BCAP29: variants seen among roughly 807,000 people sequenced by gnomAD.
The protein encoded by BCAP29 is B cell receptor associated protein 29.
A neutral mutation model predicts 31.8 loss-of-function variants in BCAP29; 34 were observed. That is an observed-to-expected ratio of 1.07 (90% CI 0.81 to 1.42). BCAP29 has a LOEUF of 1.42. BCAP29 is among the 40% of genes most tolerant of loss of function. The probability of loss-of-function intolerance (pLI) is 0.00; values close to 1 mark genes in which losing one functional copy is unlikely to be tolerated. For missense variants in BCAP29, 314 were observed against 269.2 expected (o/e 1.17, Z -1.16); for synonymous variants, 104 against 91.3 (o/e 1.14, Z -0.79).
chr7:107,590,736 T>G lies in BCAP29; in HGVS notation c.194-3219T>G, dbSNP rs891871597. Among the ~76,000 whole-genome samples, 2 of 151,856 alleles carry G rather than the reference T, an allele frequency of 1.3e-5. 1 individual carries two copies. Among genetic ancestry groups the G allele is most frequent in the Admixed American group, 1.3e-4 (2 of 15,250 alleles). ...CAAAAGGCTGAGGTGGGAGAGTTGC[T>G]TGAGCCCAAGAGGTCAAGGCTGCAG... On this transcript the variant is annotated intron_variant, in intron 3 of 7. Coordinates refer to ENST00000005259, the MANE Select transcript of BCAP29 (RefSeq NM_018844.4).
intron 6 of BCAP29, chr7:107,603,376 T>C (rs1811517354): frequency 6.6e-6 from 1 of 152,136 alleles, no homozygotes; most frequent in South Asian, 2.1e-4. Flanking sequence ...CATGTGGAAA[T>C]GTCTGTTCTT....
At chr7:107,601,991 A>G (rs1441046896) in intron 6 of BCAP29, among the ~76,000 whole-genome samples, 37 of 152,214 alleles carry the variant, frequency 2.4e-4, no homozygotes. Context: ...AACTCTTTAA[A>G]TCTGGCATAA....
At chr7:107,585,363 CTT>C (rs1293725309) in intron 3 of BCAP29, among the ~76,000 whole-genome samples, 1 of 152,174 alleles carries the variant, frequency 6.6e-6, no homozygotes, top group African/African-American at 2.4e-5. Context: ...ATTTGTGCCT[CTT>C]TTCAAGATGT....
At chr7:107,612,285 A>G (rs1040153002) in intron 6 of BCAP29, among the ~76,000 whole-genome samples, 4 of 151,018 alleles carry the variant, frequency 2.6e-5, no homozygotes, top group Non-Finnish European at 5.9e-5. Flanking sequence ...TGAAAGCACT[A>G]TATGAGATAA....
chr7:107,615,147 A>C, intron 7 of BCAP29: 1 of 452,608 alleles, frequency 2.2e-6, no homozygotes, highest in South Asian at 1.6e-5. Context: ...GAATGTCTCC[A>C]TTGTTGAATG....
intron 2 of BCAP29, 25 bp from the exon 3 acceptor site, chr7:107,583,857 C>T (rs190281415): frequency 3.2e-6 from 4 of 1,231,478 alleles, no homozygotes; most frequent in African/African-American, 1.6e-5. Context: ...TTTTTTATAC[C>T]TAATATAATT....
At chr7:107,606,310 A>T (rs1812082603) in intron 6 of BCAP29, among the ~76,000 whole-genome samples, 1 of 152,250 alleles carries the variant, frequency 6.6e-6, no homozygotes, top group Non-Finnish European at 1.5e-5. Flanking sequence ...AATGTCTATT[A>T]TATAGCTCCA....
intron 3 of BCAP29, among the ~76,000 whole-genome samples, chr7:107,590,773 C>G (rs1011849271): frequency 1.3e-5 from 2 of 149,428 alleles, no homozygotes; most frequent in African/African-American, 4.9e-5. Context: ...GAGACGTGAT[C>G]ACATCACTGC....
intron 5 of BCAP29, among the ~76,000 whole-genome samples, chr7:107,599,260 T>A (rs866956422): frequency 0.01 from 1,179 of 116,678 alleles, 149 homozygotes; most frequent in African/African-American, 0.045. Flanking sequence ...TATATAATTT[T>A]TATATATATA....
At chr7:107,615,205 A>G (rs902308954) in intron 7 of BCAP29, 3 of 456,610 alleles carry the variant, frequency 6.6e-6, no homozygotes, top group Non-Finnish European at 1.3e-5. Context: ...TGAAGAATAT[A>G]TATAACAGTG....
In BCAP29 at chr7:107,595,734, A is replaced by G. The variant is rs1391562043; in HGVS notation, c.345-133A>G. The G allele has an allele frequency of 4.4e-6, 4 of 914,378 alleles. No homozygotes were observed. In the African/African-American group the frequency reaches 7.1e-5, roughly 16 times the overall value. 56.6% of individuals were successfully genotyped at this position (914,378 alleles called of 1,614,324 possible). A position where few individuals can be genotyped will look rare whatever the true frequency, so the allele number is the denominator to read the frequency against. On this transcript the variant is annotated intron_variant, in intron 4 of 7. Coordinates refer to ENST00000005259, the MANE Select transcript of BCAP29 (RefSeq NM_018844.4). ...CTAAGAGACTTGAATTAAAAAAAGA[A>G]TAATGGGTTCTGCCTAAACATTATC...
intron 3 of BCAP29, among the ~76,000 whole-genome samples, chr7:107,588,711 C>A (rs1808178061): frequency 6.6e-6 from 1 of 152,090 alleles, no homozygotes; most frequent in Admixed American, 6.6e-5. Context: ...AAAAGACAGT[C>A]TTAACTGACT....
At position 107,606,487 on chromosome 7, in the gene BCAP29, A is replaced by C. The variant is rs151155540; in HGVS notation, c.589+5982A>C. On this transcript the variant is annotated intron_variant, in intron 6 of 7. Coordinates refer to ENST00000005259, the MANE Select transcript of BCAP29 (RefSeq NM_018844.4). Reference sequence around the variant, plus strand: ...GATTAAGCCACATTCTTCACTTTTGAAGAATGTTTCATGCAATCTTAGGAT... The same window carrying C: ...GATTAAGCCACATTCTTCACTTTTGCAGAATGTTTCATGCAATCTTAGGAT... Among the ~76,000 whole-genome samples the C allele has an allele frequency of 2.3e-3, 348 of 152,276 alleles. 2 individuals carry two copies. Among genetic ancestry groups the C allele is most frequent in the Non-Finnish European group, 3.7e-3 (249 of 68,016 alleles).
intron 5 of BCAP29, among the ~76,000 whole-genome samples, chr7:107,598,222 T>A (rs998045329): frequency 6.6e-6 from 1 of 152,240 alleles, no homozygotes; most frequent in Non-Finnish European, 1.5e-5. Flanking sequence ...GGAGATTTTA[T>A]GAACTGAATT....
At chr7:107,614,293 A>G (rs1204394736) in intron 7 of BCAP29, among the ~76,000 whole-genome samples, 2 of 152,228 alleles carry the variant, frequency 1.3e-5, no homozygotes, top group South Asian at 2.1e-4. Flanking sequence ...CAAGGCAAGC[A>G]TACACTATAC....
At chr7:107,613,247 A>C in intron 6 of BCAP29, 85 bp from the exon 7 acceptor site, 1 of 900,674 alleles carries the variant, frequency 1.1e-6, no homozygotes, top group Non-Finnish European at 1.7e-6. Flanking sequence ...AAGACTATAC[A>C]GGAGTTCTCT....
At chr7:107,584,970 A>G (rs1156433021) in intron 3 of BCAP29, among the ~76,000 whole-genome samples, 1 of 152,230 alleles carries the variant, frequency 6.6e-6, no homozygotes, top group African/African-American at 2.4e-5. Flanking sequence ...TGGTAACAGT[A>G]TTTTAAAAAT....
Position 107,595,967 on chromosome 7 carries a change from A to C in BCAP29, c.445A>C (p.Lys149Gln), listed in dbSNP as rs1223685224. The change falls in exon 5 of 8, where the codon AAA becomes CAA. Residue 149 changes from lysine to glutamine, a missense_variant. Physicochemically the swap from Lys to Gln is moderately conservative, Grantham distance 53 (BLOSUM62 1). Coordinates refer to ENST00000005259, the MANE Select transcript of BCAP29 (RefSeq NM_018844.4). ...AGCAGAAAATACTAACAAGGCTGCC[A>C]AAAAATTTATGGAAGAAAACGAAAA... ...TQAENTNKAA[K>Q]KFMEENEKLK... The C allele has an allele frequency of 1.3e-6, 2 of 1,578,320 alleles. No homozygotes were observed. The highest frequency in any genetic ancestry group is 1.7e-6 in the Non-Finnish European group (2 of 1,169,210).
At chr7:107,606,302 TG>T (rs1359986580) in intron 6 of BCAP29, among the ~76,000 whole-genome samples, 1 of 152,262 alleles carries the variant, frequency 6.6e-6, no homozygotes, top group Admixed American at 6.5e-5. Flanking sequence ...TAAACTTTAA[TG>T]TCTATTATAT....
Sources: allele counts gnomAD v4.1 joint callset (sites outside exome capture counted in the v4.1 genomes callset), GRCh38; gene constraint gnomAD v4.1.1; transcripts MANE v1.5; gene names NCBI Gene and HGNC (gene_info 2026-07-23, HGNC 2026-07-21).